CFAP46: variants seen among roughly 807,000 people sequenced by gnomAD.
CFAP46 encodes cilia- and flagella-associated protein 46.
Under a neutral mutation model 325.7 loss-of-function variants are expected in CFAP46, and 245 were observed. The ratio of observed to expected loss-of-function variants is 0.75; its 90% CI spans 0.68 to 0.84. CFAP46 has a LOEUF of 0.84. Among genes scored for constraint, CFAP46 ranks in the 40% least tolerant of loss-of-function variants. CFAP46 has a pLI of 0.00. For synonymous variants in CFAP46, 1,523 were observed against 1,495.9 expected (o/e 1.02, Z -0.42); for missense variants, 3,346 against 3,543.0 (o/e 0.94, Z 1.41).
rs367647478 is a variant in CFAP46, at chr10:132,916,379, T to G, written c.2120+170A>C. Among the ~76,000 whole-genome samples the G allele has an allele frequency of 1.5e-3, 235 of 152,314 alleles. 5 individuals are homozygous for G. The South Asian group carries it at 0.024, about 16-fold the overall frequency. On this transcript the variant is annotated intron_variant, in intron 17 of 57. Coordinates refer to ENST00000368586, the MANE Select transcript of CFAP46 (RefSeq NM_001200049.3). ...ACAGGAGAGGCCACGTCACCCCATT[T>G]TCTCTTTCATGGTCTCAGTCATTTA...
intron 39 of CFAP46, among the ~76,000 whole-genome samples, chr10:132,856,242 C>T (rs1215228918): frequency 6.6e-6 from 1 of 152,220 alleles, no homozygotes; most frequent in African/African-American, 2.4e-5. Context: ...CTGGCTGATG[C>T]TAAGATGCTC....
At chr10:132,904,375 C>T (rs1021477838) in intron 22 of CFAP46, among the ~76,000 whole-genome samples, 1 of 142,508 alleles carries the variant, frequency 7.0e-6, no homozygotes, top group African/African-American at 2.7e-5. Context: ...GGCGCCAACA[C>T]TGCGCCCAGG....
intron 17 of CFAP46, 84 bp from the exon 18 acceptor site, chr10:132,913,342 GAACCA>G: frequency 3.7e-6 from 2 of 543,470 alleles, no homozygotes; most frequent in African/African-American, 2.0e-5. Flanking sequence ...GGCCTGTTAG[GAACCA>G]GGCTGCAGGG....
In CFAP46 at chr10:132,847,549, C is replaced by T. The variant is rs1028973961; in HGVS notation, c.5953-228G>A. Among the ~76,000 whole-genome samples the T allele has an allele frequency of 1.3e-5, 2 of 151,528 alleles. No homozygotes were observed. Among genetic ancestry groups the T allele is most frequent in the Non-Finnish European group, 2.9e-5 (2 of 67,800 alleles). ...GGGCAAGGGGACGCTGGAGCCTGGG[C>T]GAGGGGATGCTGCAGCCAGGGTGAG... On this transcript the variant is annotated intron_variant, in intron 41 of 57. Transcript: ENST00000368586. The surrounding 1 kb of genome is among the most constrained non-coding windows in gnomAD (Gnocchi z 5.2).
intron 25 of CFAP46, among the ~76,000 whole-genome samples, chr10:132,887,242 TCTCTCTCCTCTC>T (rs1310653627): frequency 3.6e-5 from 3 of 82,928 alleles, no homozygotes; most frequent in Non-Finnish European, 6.5e-5. Flanking sequence ...TCTCCCCTCT[TCTCTCTCCTCTC>T]TCGCTTCTCT....
chr10:132,879,947 C>A (rs1849013900), intron 28 of CFAP46, among the ~76,000 whole-genome samples: 1 of 150,896 alleles, frequency 6.6e-6, no homozygotes, highest in Non-Finnish European at 1.5e-5. Context: ...GGCCTGGGCA[C>A]CCCGTTCCTG....
At chr10:132,833,959 C>T (rs1016539696) in intron 49 of CFAP46, 82 bp downstream of exon 49, 4 of 1,357,250 alleles carry the variant, frequency 2.9e-6, no homozygotes, top group Non-Finnish European at 4.2e-6. Context: ...CTGGCGTTCC[C>T]GGATGGGTGG....
At chr10:132,867,568 G>A (rs998991520) in intron 33 of CFAP46, 61 bp from the exon 34 acceptor site, 29 of 1,520,220 alleles carry the variant, frequency 1.9e-5, no homozygotes, top group Non-Finnish European at 2.4e-5. Context: ...GTCCCTTCAC[G>A]AGTAACCAAA....
At chr10:132,821,502 CTG>C (rs1361666559) in intron 50 of CFAP46, among the ~76,000 whole-genome samples, 1 of 123,994 alleles carries the variant, frequency 8.1e-6, no homozygotes, top group Non-Finnish European at 1.6e-5. Flanking sequence ...CTGATGTGTG[CTG>C]TGTGCGCTGT....
At chr10:132,844,645 G>A (rs1848405022) in intron 44 of CFAP46, among the ~76,000 whole-genome samples, 1 of 152,130 alleles carries the variant, frequency 6.6e-6, no homozygotes, top group African/African-American at 2.4e-5. Flanking sequence ...TCAAGCCCCA[G>A]GCCGCCTCCT....
At chr10:132,836,643 C>G (rs1015810258) in intron 45 of CFAP46, among the ~76,000 whole-genome samples, 174 bp downstream of exon 45, 86 of 152,354 alleles carry the variant, frequency 5.6e-4, no homozygotes, top group African/African-American at 1.7e-3. Context: ...CGGCCCCCCC[C>G]CCTTGGGGTA....
intron 9 of CFAP46, chr10:132,929,363 G>A (rs758553440): frequency 2.1e-5 from 13 of 629,420 alleles, no homozygotes; most frequent in African/African-American, 3.7e-5. Context: ...AGGCACTGCC[G>A]GTGTGATTTA....
rs2134791346 is a variant in CFAP46, at chr10:132,817,003, G to T, written c.7118-2089C>A. ...CAAATCGCCACTTTTGAGGCACAGA[G>T]TTCCATGTCTCTATTAAGCCAAGAT... On this transcript the variant is annotated intron_variant, in intron 50 of 57. Coordinates refer to ENST00000368586, the MANE Select transcript of CFAP46 (RefSeq NM_001200049.3). This position sits in a 1 kb window ranked among gnomAD's most constrained non-coding sequence, Gnocchi z 4.4. Among the ~76,000 whole-genome samples the T allele has an allele frequency of 6.6e-6, 1 of 152,324 alleles. No individual in the cohort carries two copies. Among genetic ancestry groups the T allele is most frequent in the East Asian group, 1.9e-4 (1 of 5,186 alleles).
chr10:132,823,180 CGCTGTGTGCTG>C (rs1847925188), intron 50 of CFAP46, among the ~76,000 whole-genome samples: 1 of 53,438 alleles, frequency 1.9e-5, no homozygotes, highest in South Asian at 6.7e-4. Flanking sequence ...GCTGTCTGTG[CGCTGTGTGCTG>C]ATGTGTGCTG....
chr10:132,934,734 A>G lies in CFAP46; in HGVS notation c.866+18T>C, dbSNP rs755450012. The G allele has an allele frequency of 6.7e-7, 1 of 1,484,682 alleles. No individual in the cohort carries two copies. The highest frequency in any genetic ancestry group is 1.2e-5 in the South Asian group (1 of 86,256). The allele number at this position is 1,484,682 out of a possible 1,614,324, so 92.0% of individuals were successfully genotyped here. On this transcript the variant is annotated intron_variant, in intron 8 of 57. Coordinates refer to ENST00000368586, the MANE Select transcript of CFAP46 (RefSeq NM_001200049.3). ...AACGATTATGAAGATGTGATATTGG[A>G]AAAATACAAACACTTACTTTTCTTC...
At chr10:132,834,333 C>T (rs1373230494) in intron 48 of CFAP46, among the ~76,000 whole-genome samples, 1 of 152,164 alleles carries the variant, frequency 6.6e-6, no homozygotes, top group Non-Finnish European at 1.5e-5. Flanking sequence ...TAAACGGTGC[C>T]AGGTGTCCGT....
intron 50 of CFAP46, among the ~76,000 whole-genome samples, chr10:132,815,377 G>A (rs1370855963): frequency 6.6e-6 from 1 of 152,170 alleles, no homozygotes; most frequent in East Asian, 1.9e-4. Flanking sequence ...TGCCTATGCT[G>A]GGGCCTCCAG....
intron 31 of CFAP46, among the ~76,000 whole-genome samples, chr10:132,873,871 C>T (rs1355623199): frequency 6.6e-6 from 1 of 152,134 alleles, no homozygotes; most frequent in East Asian, 1.9e-4. Context: ...AACTTCATGG[C>T]AATACATCCA....
chr10:132,930,637 C>A (rs2135682128), intron 8 of CFAP46, among the ~76,000 whole-genome samples: 2 of 113,406 alleles, frequency 1.8e-5, no homozygotes, highest in Admixed American at 1.7e-4. Flanking sequence ...CTCCTCTCCA[C>A]ACAGAGCCTG....
Sources: gnomAD v4.1 joint callset for allele counts (sites outside exome capture counted in the v4.1 genomes callset) on GRCh38, gnomAD v4.1.1 for gene constraint, Gnocchi (gnomAD v3.1) non-coding constraint, MANE v1.5 for transcripts, NCBI Gene and HGNC (gene_info 2026-07-23, HGNC 2026-07-21) for gene names.